MRAS: variants seen among roughly 807,000 people sequenced by gnomAD.
MRAS encodes muscle RAS oncogene homolog, also known as ras-related protein M-Ras.
In MRAS, 4 loss-of-function variants were observed where a neutral mutation model predicts 20.9. That is an observed-to-expected ratio of 0.19 (90% CI 0.09 to 0.44). The LOEUF (loss-of-function observed/expected upper bound fraction) is 0.44, where lower values mean the gene tolerates loss of function less well. Ranked by LOEUF, MRAS falls within the 20% of genes least tolerant of loss-of-function variation. The pLI is 0.99. For missense variants in MRAS, 154 were observed against 277.5 expected (o/e 0.56, Z 3.16); for synonymous variants, 98 against 102.9 (o/e 0.95, Z 0.29).
intron 2 of MRAS, among the ~76,000 whole-genome samples, chr3:138,380,907 C>G (rs1463614846): frequency 6.6e-6 from 1 of 151,646 alleles, no homozygotes; most frequent in Non-Finnish European, 1.5e-5. Flanking sequence ...GTAGCTGGGA[C>G]TATAGGCACG....
intron 2 of MRAS, among the ~76,000 whole-genome samples, chr3:138,378,462 C>G (rs6790121): frequency 0.013 from 1,996 of 152,314 alleles, 43 homozygotes; most frequent in African/African-American, 0.044. Flanking sequence ...GGATCCTCAT[C>G]TCACTTTATA....
rs773578655 is a variant in MRAS at position 138,397,467 on chromosome 3, G to GTCAAAGACAGGTGAGCA, written c.347+6_347+22dup. On this transcript the variant is annotated stop_gained and frameshift_variant, in exon 3 of 6. Coordinates refer to ENST00000423968, the MANE Select transcript of MRAS (RefSeq NM_001085049.3). LOFTEE classifies it high-confidence loss of function. ...CCGCTTCCACCAGCTTATCCTGCGCGTCAAAGACAGGTGAGCATCAAAGAC... is the reference window on the plus strand; with the variant it reads ...CCGCTTCCACCAGCTTATCCTGCGCGTCAAAGACAGGTGAGCATCAAAGACAGGTGAGCATCAAAGAC... 49 of 1,613,950 alleles carry GTCAAAGACAGGTGAGCA rather than the reference G, an allele frequency of 3.0e-5. No homozygotes were observed. The highest frequency in any genetic ancestry group is 1.9e-4 in the African/African-American group (14 of 74,920).
At chr3:138,362,153 A>C (rs2054462396) in intron 1 of MRAS, among the ~76,000 whole-genome samples, 1 of 152,136 alleles carries the variant, frequency 6.6e-6, no homozygotes, top group South Asian at 2.1e-4. Flanking sequence ...CCAGCAGGGA[A>C]TATTGCTCTG....
chr3:138,373,146 T>A, intron 2 of MRAS, 70 bp downstream of exon 2: 1 of 1,285,270 alleles, frequency 7.8e-7, no homozygotes. Flanking sequence ...ATTTGACAGG[T>A]TTCAGTGGGG....
intron 2 of MRAS, among the ~76,000 whole-genome samples, chr3:138,388,496 C>T (rs1449833959): frequency 2.6e-5 from 4 of 152,008 alleles, no homozygotes; most frequent in South Asian, 2.1e-4. Context: ...GCCAGGAGTT[C>T]GAGACCAGCC....
At chr3:138,390,444 C>T (rs527957485) in intron 2 of MRAS, among the ~76,000 whole-genome samples, 1 of 152,338 alleles carries the variant, frequency 6.6e-6, no homozygotes, top group African/African-American at 2.4e-5. Flanking sequence ...GTCTCTCTCT[C>T]ACAAACGCAC....
At chr3:138,353,201 G>A (rs1045445188) in intron 1 of MRAS, among the ~76,000 whole-genome samples, 2 of 152,098 alleles carry the variant, frequency 1.3e-5, no homozygotes, top group African/African-American at 4.8e-5. Flanking sequence ...AGAACAAACT[G>A]GGAGTTTTTT....
At chr3:138,375,250 T>G (rs1441175666) in intron 2 of MRAS, among the ~76,000 whole-genome samples, 1 of 152,212 alleles carries the variant, frequency 6.6e-6, no homozygotes, top group African/African-American at 2.4e-5. Flanking sequence ...GGTCATGATG[T>G]ATTATCCTTT....
At chr3:138,381,946 G>T (rs1012504727) in intron 2 of MRAS, among the ~76,000 whole-genome samples, 2 of 152,164 alleles carry the variant, frequency 1.3e-5, no homozygotes, top group African/African-American at 2.4e-5. Context: ...CTGAACCAGG[G>T]GCTTTACCAG....
chr3:138,383,063 A>T (rs915245988), intron 2 of MRAS, among the ~76,000 whole-genome samples: 18 of 152,174 alleles, frequency 1.2e-4, no homozygotes, highest in African/African-American at 3.9e-4. Context: ...CACCCTCATC[A>T]GTGGGATCTG....
intron 2 of MRAS, among the ~76,000 whole-genome samples, chr3:138,389,155 T>C (rs934042441): frequency 7.0e-4 from 107 of 152,222 alleles, no homozygotes; most frequent in Admixed American, 1.8e-3. Flanking sequence ...TCATAACAGT[T>C]TGAAAGTCAG....
intron 2 of MRAS, among the ~76,000 whole-genome samples, chr3:138,390,486 T>C (rs2055110155): frequency 6.6e-6 from 1 of 152,290 alleles, no homozygotes; most frequent in Non-Finnish European, 1.5e-5. Flanking sequence ...ATACCTCTTC[T>C]CCCACAGTGA....
intron 1 of MRAS, among the ~76,000 whole-genome samples, chr3:138,357,690 A>C (rs58725012): frequency 0.058 from 8,810 of 152,200 alleles, 837 homozygotes; most frequent in African/African-American, 0.2. Flanking sequence ...CCTGGCCTCC[A>C]CTCCACTTTG....
intron 1 of MRAS, among the ~76,000 whole-genome samples, chr3:138,371,405 A>G (rs1253733052): frequency 6.6e-6 from 1 of 152,164 alleles, no homozygotes; most frequent in Non-Finnish European, 1.5e-5. Context: ...AAAGTAATCT[A>G]ATCCAGCCCT....
intron 1 of MRAS, among the ~76,000 whole-genome samples, chr3:138,355,839 G>A (rs764915434): frequency 3.3e-5 from 5 of 152,260 alleles, no homozygotes; most frequent in Non-Finnish European, 7.3e-5. Context: ...GCCAAGGCAG[G>A]AGAATTGCTT....
Position 138,369,037 on chromosome 3 carries a change from C to T in MRAS, c.-18-3829C>T, listed in dbSNP as rs552329500. ...CTTGATTCCAAGGGTCCTGTCTGTG[C>T]CATTAGTCTCATCTCTTAGTAGGAG... On this transcript the variant is annotated intron_variant, in intron 1 of 5. Coordinates refer to ENST00000423968, the MANE Select transcript of MRAS (RefSeq NM_001085049.3). 4.6e-5 allele frequency among the ~76,000 whole-genome samples: 7 copies of T among 152,272 alleles called. No individual in the cohort carries two copies. The South Asian group carries it at 1.5e-3, about 32-fold the overall frequency.
intron 1 of MRAS, among the ~76,000 whole-genome samples, chr3:138,359,764 C>T (rs1238824531): frequency 2.0e-5 from 3 of 152,136 alleles, no homozygotes; most frequent in Admixed American, 2.0e-4. Context: ...GATCTCACAC[C>T]TCCTTGCACC....
rs895892916 is a variant in MRAS, at chr3:138,373,083, C to A, written c.193+7C>A. 4 of 1,453,456 alleles carry A rather than the reference C, an allele frequency of 2.8e-6. No individual in the cohort carries two copies. The highest frequency in any genetic ancestry group is 2.7e-5 in the East Asian group (1 of 36,494). 90.0% of individuals were successfully genotyped at this position (1,453,456 alleles called of 1,614,324 possible). ...CAATGGGCCATCTTGGACGGTGAGA[C>A]CTGGGTGGCAGCCCTGCATTGGGTG... On this transcript the variant is annotated splice_region_variant and intron_variant, in intron 2 of 5. Transcript: ENST00000423968.
intron 2 of MRAS, among the ~76,000 whole-genome samples, chr3:138,389,526 A>T (rs369927838): frequency 3.4e-5 from 5 of 148,274 alleles, no homozygotes; most frequent in African/African-American, 1.3e-4. Context: ...GGCATTCTAG[A>T]TGGAAGTCAC....
Sources: allele counts gnomAD v4.1 joint callset (sites outside exome capture counted in the v4.1 genomes callset), GRCh38; gene constraint gnomAD v4.1.1; transcripts MANE v1.5; gene names NCBI Gene and HGNC (gene_info 2026-07-23, HGNC 2026-07-21).